Variants in KCND2 observed in about 807,000 individuals in gnomAD.
KCND2 encodes potassium voltage-gated channel subfamily D member 2, also known as A-type voltage-gated potassium channel KCND2.
Under a neutral mutation model 54.4 loss-of-function variants are expected in KCND2, and 16 were observed. The observed-to-expected ratio is 0.29, with a 90% CI of 0.20 to 0.45. The LOEUF (loss-of-function observed/expected upper bound fraction) is 0.45. KCND2 is among the 20% of genes least tolerant of loss of function. KCND2 has a pLI of 1.00. For synonymous variants in KCND2, 317 were observed against 310.7 expected, an observed-to-expected ratio of 1.02 and a Z score of -0.21; for missense variants, 486 against 824.2, an observed-to-expected ratio of 0.59 and a Z score of 5.02.
chr7:120,631,261 A>T (rs1022509571), intron 1 of KCND2, among the ~76,000 whole-genome samples: 8 of 152,120 alleles, frequency 5.3e-5, no homozygotes, highest in African/African-American at 1.9e-4. Flanking sequence ...TGTCATAAAA[A>T]ATATGAACTA....
chr7:120,475,205 A>G (rs995910105), intron 1 of KCND2, among the ~76,000 whole-genome samples: 5 of 152,226 alleles, frequency 3.3e-5, no homozygotes, highest in African/African-American at 1.2e-4. Context: ...CTTAAGAACC[A>G]AGAGGTAATT....
At chr7:120,361,273 CT>C (rs1455562297) in intron 1 of KCND2, among the ~76,000 whole-genome samples, 1 of 151,870 alleles carries the variant, frequency 6.6e-6, no homozygotes, top group Non-Finnish European at 1.5e-5. Context: ...AAAAATTCTC[CT>C]TTCTAGTTCT....
chr7:120,389,588 T>G (rs952408634), intron 1 of KCND2, among the ~76,000 whole-genome samples: 2 of 151,894 alleles, frequency 1.3e-5, no homozygotes, highest in African/African-American at 4.8e-5. Flanking sequence ...TCTATATATT[T>G]AAGGTTTTTG....
intron 1 of KCND2, among the ~76,000 whole-genome samples, chr7:120,572,785 A>G (rs549043111): frequency 7.9e-5 from 12 of 152,322 alleles, no homozygotes; most frequent in African/African-American, 2.9e-4. Flanking sequence ...GGCATCCCAA[A>G]GTACTAGAAT....
Position 120,553,121 on chromosome 7 carries a change from A to G in KCND2, c.1116-179782A>G, listed in dbSNP as rs1584825058. Among the ~76,000 whole-genome samples, 6 of 152,314 alleles carry G rather than the reference A, an allele frequency of 3.9e-5. 1 individual carries two copies. Among genetic ancestry groups the G allele is most frequent in the Admixed American group, 3.3e-4 (5 of 15,292 alleles). On this transcript the variant is annotated intron_variant, in intron 1 of 5. Transcript: ENST00000331113. ...TCATTAACATGTTCCTCCTACAACC[A>G]AAAGCCTGTATTCTTTGACCAAAAT...
At chr7:120,436,525 C>T (rs1801868406) in intron 1 of KCND2, among the ~76,000 whole-genome samples, 1 of 152,184 alleles carries the variant, frequency 6.6e-6, no homozygotes, top group Non-Finnish European at 1.5e-5. Context: ...CTGTATTTTG[C>T]TCTTGCTAAA....
rs1407805883 is a variant in KCND2, at chr7:120,396,283, A to G, written c.1115+120536A>G. On this transcript the variant is annotated intron_variant, in intron 1 of 5. Transcript: ENST00000331113. ...GTTTTCCTTTTAATCATTGAGGACA[A>G]TATGTGAGACTCTGTAGAACTTCAC... Among the ~76,000 whole-genome samples the G allele has an allele frequency of 2.0e-5, 3 of 152,000 alleles. No homozygotes were observed. In the East Asian group the frequency reaches 5.8e-4, roughly 29 times the overall value.
intron 1 of KCND2, among the ~76,000 whole-genome samples, chr7:120,616,524 G>A (rs1246991729): frequency 6.6e-6 from 1 of 152,050 alleles, no homozygotes; most frequent in Non-Finnish European, 1.5e-5. Flanking sequence ...ACCTATTCAT[G>A]TACTTCATAT....
intron 1 of KCND2, among the ~76,000 whole-genome samples, chr7:120,359,610 T>G: frequency 6.6e-6 from 1 of 152,112 alleles, no homozygotes; most frequent in East Asian, 1.9e-4. Flanking sequence ...ATTAAGAAGG[T>G]AGACTGTAAG....
chr7:120,481,930 C>T (rs1210124338), intron 1 of KCND2, among the ~76,000 whole-genome samples: 1 of 152,142 alleles, frequency 6.6e-6, no homozygotes, highest in Non-Finnish European at 1.5e-5. Flanking sequence ...AAAAAATTCT[C>T]ATTAGGGTAA....
intron 1 of KCND2, among the ~76,000 whole-genome samples, chr7:120,368,966 T>G (rs996555550): frequency 6.6e-6 from 1 of 152,084 alleles, no homozygotes; most frequent in African/African-American, 2.4e-5. Context: ...AACCTGCAGC[T>G]GCTCATTTGC....
intron 1 of KCND2, among the ~76,000 whole-genome samples, chr7:120,299,530 TA>T (rs1799557931): frequency 6.6e-6 from 1 of 152,180 alleles, no homozygotes; most frequent in Admixed American, 6.5e-5. Flanking sequence ...ATAGAAAACC[TA>T]AAACTAAAAA....
chr7:120,425,861 T>G (rs1449913675), intron 1 of KCND2, among the ~76,000 whole-genome samples: 1 of 152,216 alleles, frequency 6.6e-6, no homozygotes, highest in Non-Finnish European at 1.5e-5. Context: ...TCTTTTGTTG[T>G]TGTTGTTTTA....
intron 1 of KCND2, among the ~76,000 whole-genome samples, chr7:120,345,844 C>G (rs1050822574): frequency 6.6e-6 from 1 of 152,094 alleles, no homozygotes; most frequent in East Asian, 1.9e-4. Context: ...TGTTTTTAAT[C>G]CTTTTGAATA....
Position 120,735,722 on chromosome 7 carries a change from T to C in KCND2, c.1278+2657T>C, listed in dbSNP as rs75090426. 3.1e-3 allele frequency among the ~76,000 whole-genome samples: 470 copies of C among 152,220 alleles called. 4 individuals carry two copies. Among genetic ancestry groups the C allele is most frequent in the African/African-American group, 0.01 (436 of 41,546 alleles). On this transcript the variant is annotated intron_variant, in intron 2 of 5. Transcript: ENST00000331113. ...TTGGTATCTTTAAATATTTGCTATATTTTTGGTTTCTGCCATAATGCAATG... is the reference window on the plus strand; with the variant it reads ...TTGGTATCTTTAAATATTTGCTATACTTTTGGTTTCTGCCATAATGCAATG...
chr7:120,677,542 G>GATATAGAT (rs1240850643), intron 1 of KCND2, among the ~76,000 whole-genome samples: 2,917 of 139,624 alleles, frequency 0.021, 90 homozygotes, highest in African/African-American at 0.075. Context: ...TATAGATATA[G>GATATAGAT]ATATAGATAT....
intron 1 of KCND2, among the ~76,000 whole-genome samples, chr7:120,629,931 G>A (rs1369787935): frequency 6.6e-6 from 1 of 152,176 alleles, no homozygotes; most frequent in Non-Finnish European, 1.5e-5. Context: ...GCATCTAAAT[G>A]AAAATGGTAA....
intron 1 of KCND2, among the ~76,000 whole-genome samples, chr7:120,648,360 ATGGAGGGAAAATTATG>A (rs1793467410): frequency 6.6e-6 from 1 of 152,162 alleles, no homozygotes; most frequent in African/African-American, 2.4e-5. Context: ...TGCCATGGAA[ATGGAGGGAAAATTATG>A]TGGAGTAGTA....
At chr7:120,642,631 G>A (rs1016402067) in intron 1 of KCND2, among the ~76,000 whole-genome samples, 4 of 151,254 alleles carry the variant, frequency 2.6e-5, no homozygotes, top group Admixed American at 2.6e-4. Context: ...GTTTCAGATA[G>A]TTTAAAGGGT....
Sources: gnomAD v4.1 joint callset for allele counts (sites outside exome capture counted in the v4.1 genomes callset) on GRCh38, gnomAD v4.1.1 for gene constraint, MANE v1.5 for transcripts, NCBI Gene and HGNC (gene_info 2026-07-23, HGNC 2026-07-21) for gene names.